Variants in PHKB observed in about 807,000 individuals in gnomAD.
The protein encoded by PHKB is phosphorylase kinase regulatory subunit beta.
In PHKB, 122 loss-of-function variants were observed where a neutral mutation model predicts 152.1. The ratio of observed to expected loss-of-function variants is 0.80; its 90% confidence interval spans 0.69 to 0.93. PHKB has a LOEUF of 0.93. Ranked by LOEUF, PHKB falls within the 40% of genes least tolerant of loss-of-function variation. The probability of loss-of-function intolerance (pLI) is 0.00; values close to 1 mark genes in which losing one functional copy is unlikely to be tolerated. For missense variants in PHKB, 1,304 were observed against 1,328.4 expected, an observed-to-expected ratio of 0.98 and a Z score of 0.29; for synonymous variants, 436 against 464.9, an observed-to-expected ratio of 0.94 and a Z score of 0.80.
chr16:47,561,634 A>T (rs1414819893), intron 7 of PHKB: 1 of 152,208 alleles, frequency 6.6e-6, no homozygotes, highest in African/African-American at 2.4e-5. Flanking sequence ...AGGAATATTC[A>T]GTGTGTACAC....
At chr16:47,645,618 C>T (rs1973103116) in intron 16 of PHKB, among the ~76,000 whole-genome samples, 1 of 150,334 alleles carries the variant, frequency 6.7e-6, no homozygotes, top group Non-Finnish European at 1.5e-5. Flanking sequence ...TTACTGTAGC[C>T]TTGTAGTATA....
At chr16:47,583,563 CTAAATTA>C (rs200277052) in intron 8 of PHKB, among the ~76,000 whole-genome samples, 1,684 of 146,850 alleles carry the variant, frequency 0.011, 27 homozygotes, top group African/African-American at 0.044. Context: ...GTGTCTTTAA[CTAAATTA>C]ATTAGAACTT....
intron 14 of PHKB, among the ~76,000 whole-genome samples, chr16:47,620,849 G>A (rs1260229475): frequency 6.6e-6 from 1 of 151,842 alleles, no homozygotes; most frequent in Non-Finnish European, 1.5e-5. Flanking sequence ...AGTTCAGCCT[G>A]GGCAACAGAG....
intron 4 of PHKB, among the ~76,000 whole-genome samples, chr16:47,505,861 C>T (rs1438019801): frequency 6.6e-6 from 1 of 151,334 alleles, no homozygotes; most frequent in East Asian, 1.9e-4. Flanking sequence ...GGTGAAACTC[C>T]GTCTCTACCA....
intron 1 of PHKB, among the ~76,000 whole-genome samples, chr16:47,489,449 C>G (rs1160243464): frequency 1.3e-5 from 2 of 152,192 alleles, no homozygotes; most frequent in Non-Finnish European, 2.9e-5. Flanking sequence ...TTATACTTAT[C>G]CTGACTATTT....
chr16:47,518,952 G>C (rs1970642086), intron 6 of PHKB, among the ~76,000 whole-genome samples: 1 of 152,156 alleles, frequency 6.6e-6, no homozygotes, highest in South Asian at 2.1e-4. Flanking sequence ...AAATCATTTA[G>C]AAGTGGGTCC....
At chr16:47,528,978 G>A (rs1447060869) in intron 6 of PHKB, among the ~76,000 whole-genome samples, 1 of 152,132 alleles carries the variant, frequency 6.6e-6, no homozygotes, top group Non-Finnish European at 1.5e-5. Context: ...ACAGGCGTGA[G>A]GAACCATGCC....
intron 3 of PHKB, among the ~76,000 whole-genome samples, chr16:47,501,448 C>T (rs1240811123): frequency 6.6e-6 from 1 of 152,032 alleles, no homozygotes; most frequent in East Asian, 1.9e-4. Flanking sequence ...TGGGACACTT[C>T]AGTATTTGAG....
At chr16:47,543,526 G>T (rs1971101667) in intron 6 of PHKB, among the ~76,000 whole-genome samples, 1 of 152,192 alleles carries the variant, frequency 6.6e-6, no homozygotes, top group African/African-American at 2.4e-5. Flanking sequence ...AAATGAGTTA[G>T]AGAGGATTCC....
intron 12 of PHKB, 114 bp downstream of exon 12, chr16:47,594,328 G>C (rs960684212): frequency 4.4e-6 from 3 of 675,752 alleles, no homozygotes; most frequent in African/African-American, 1.8e-5. Flanking sequence ...TGAAAAAAAT[G>C]AATGATCCCT....
Position 47,694,393 on chromosome 16 carries a change from C to T in PHKB, c.2895+886C>T, listed in dbSNP as rs148922274. ...TATACAAATAAAGTATTCTCAAAGG[C>T]ACAGACCCACACTCATTTTGCTTGT... is the stretch of plus-strand genomic sequence containing the variant. On this transcript the variant is annotated intron_variant, in intron 28 of 30. Transcript: ENST00000323584. Among the ~76,000 whole-genome samples the T allele has an allele frequency of 5.2e-3, 792 of 152,196 alleles. 8 individuals are homozygous for T. The highest frequency in any genetic ancestry group is 5.3e-3 in the Non-Finnish European group (361 of 68,006).
intron 12 of PHKB, among the ~76,000 whole-genome samples, 176 bp from the exon 13 acceptor site, chr16:47,596,197 C>T (rs767934612): frequency 6.6e-6 from 1 of 152,152 alleles, no homozygotes; most frequent in Non-Finnish European, 1.5e-5. Context: ...CGTACCTTTG[C>T]TCTTCCTTCG....
At chr16:47,693,267 CT>C in intron 27 of PHKB, 110 bp from the exon 28 acceptor site, 1 of 1,054,260 alleles carries the variant, frequency 9.5e-7, no homozygotes, top group African/African-American at 1.6e-5. Flanking sequence ...CATTGATGGG[CT>C]TTGGCTTTTA....
At chr16:47,670,038 A>G (rs372091315) in intron 26 of PHKB, among the ~76,000 whole-genome samples, 1 of 152,194 alleles carries the variant, frequency 6.6e-6, no homozygotes, top group Non-Finnish European at 1.5e-5. Context: ...CCTTGGGTAA[A>G]TGACTGAACC....
intron 6 of PHKB, among the ~76,000 whole-genome samples, chr16:47,517,221 A>G (rs1970612601): frequency 6.6e-6 from 1 of 151,926 alleles, no homozygotes; most frequent in South Asian, 2.1e-4. Context: ...GTGGCAACTA[A>G]TATTGCTTAC....
At chr16:47,462,924 TCAATA>T (rs946079371) in intron 1 of PHKB, 4 of 152,572 alleles carry the variant, frequency 2.6e-5, no homozygotes, top group African/African-American at 9.6e-5. Flanking sequence ...CTACTAAGAA[TCAATA>T]AAGTGACTTG....
At chr16:47,526,987 G>T (rs1267552322) in intron 6 of PHKB, among the ~76,000 whole-genome samples, 1 of 152,156 alleles carries the variant, frequency 6.6e-6, no homozygotes, top group Non-Finnish European at 1.5e-5. Flanking sequence ...GCCAGAGCAG[G>T]AGCAAGAGGG....
intron 22 of PHKB, 110 bp downstream of exon 22, chr16:47,660,929 T>G: frequency 9.4e-7 from 1 of 1,065,938 alleles, no homozygotes; most frequent in Non-Finnish European, 1.4e-6. Context: ...GCAATTAATC[T>G]GGAGGTGGAT....
rs1972163891 is a variant in PHKB, at chr16:47,598,547, A to G, written c.1363+2016A>G. 4.5e-6 allele frequency: 3 copies of G among 672,148 alleles called. No homozygotes were observed. The South Asian group carries it at 5.7e-5, about 13-fold the overall frequency. 41.6% of individuals were successfully genotyped at this position (672,148 alleles called of 1,614,324 possible). A position where few individuals can be genotyped will look rare whatever the true frequency, so the allele number is the denominator to read the frequency against. On this transcript the variant is annotated intron_variant, in intron 13 of 30. Transcript: ENST00000323584. ...TAACACTCTCCTACATATTTTCTAT[A>G]TCACTTTTCTTGATTATAAAATGTC... is the stretch of plus-strand genomic sequence containing the variant.
Sources: gnomAD v4.1 joint callset for allele counts (sites outside exome capture counted in the v4.1 genomes callset) on GRCh38, gnomAD v4.1.1 for gene constraint, MANE v1.5 for transcripts, NCBI Gene and HGNC (gene_info 2026-07-23, HGNC 2026-07-21) for gene names.